The following UBXN4 variants were observed in gnomAD, a reference collection of about 807,000 sequenced individuals.
The protein encoded by UBXN4 is UBX domain protein 4.
In UBXN4, 35 loss-of-function variants were observed where a neutral mutation model predicts 66.2. The observed-to-expected ratio is 0.53, with a 90% CI of 0.40 to 0.70. UBXN4 has a LOEUF of 0.70. Among genes scored for constraint, UBXN4 ranks in the 30% least tolerant of loss-of-function variants. The pLI is 0.00. For missense variants in UBXN4, 533 were observed against 599.8 expected (o/e 0.89, Z 1.16); for synonymous variants, 203 against 204.5 (o/e 0.99, Z 0.06).
chr2:135,778,340 T>A (rs967330395), intron 10 of UBXN4, among the ~76,000 whole-genome samples: 20 of 151,960 alleles, frequency 1.3e-4, no homozygotes, highest in African/African-American at 4.8e-4. Context: ...TGGAATCTTC[T>A]AGGGAAAGAT....
At chr2:135,747,871 T>A (rs2077219388) in intron 1 of UBXN4, 1 of 347,440 alleles carries the variant, frequency 2.9e-6, no homozygotes, top group Non-Finnish European at 5.7e-6. Flanking sequence ...TCTACCCGCC[T>A]CAGCCTCCCA....
intron 11 of UBXN4, among the ~76,000 whole-genome samples, chr2:135,779,568 C>T (rs975955155): frequency 6.6e-6 from 1 of 152,132 alleles, no homozygotes; most frequent in African/African-American, 2.4e-5. Flanking sequence ...TCCTGGTTAA[C>T]ATAGTTTTCC....
At chr2:135,782,715 A>G in intron 12 of UBXN4, 34 bp from the exon 13 acceptor site, 2 of 1,600,652 alleles carry the variant, frequency 1.2e-6, no homozygotes, top group Non-Finnish European at 1.7e-6. Flanking sequence ...TTATTTTATG[A>G]CATCTTCCCC....
chr2:135,742,684 A>G (rs986532049), intron 1 of UBXN4: 7 of 152,256 alleles, frequency 4.6e-5, no homozygotes, highest in African/African-American at 1.7e-4. Context: ...CAACAAAGAG[A>G]AACCACCTGA....
At chr2:135,777,457 A>G (rs2077423210) in intron 10 of UBXN4, among the ~76,000 whole-genome samples, 1 of 152,208 alleles carries the variant, frequency 6.6e-6, no homozygotes, top group African/African-American at 2.4e-5. Flanking sequence ...TATAGTAGAA[A>G]CAGTCCCAAA....
chr2:135,746,734 G>T (rs2077209182), intron 1 of UBXN4, among the ~76,000 whole-genome samples: 1 of 152,162 alleles, frequency 6.6e-6, no homozygotes, highest in African/African-American at 2.4e-5. Context: ...GAAGGAAAAA[G>T]AATAGCAAGA....
intron 12 of UBXN4, among the ~76,000 whole-genome samples, chr2:135,780,825 C>T (rs893295820): frequency 5.9e-5 from 9 of 152,276 alleles, no homozygotes; most frequent in Middle Eastern, 3.4e-3. Context: ...TTTTATCTAC[C>T]GGCTGACAGC....
chr2:135,763,862 C>T (rs148894800), intron 6 of UBXN4, among the ~76,000 whole-genome samples: 10 of 152,014 alleles, frequency 6.6e-5, no homozygotes, highest in African/African-American at 1.9e-4. Context: ...TGGTGGATCA[C>T]GCCTGTAGTC....
chr2:135,778,454 T>C (rs1349696048), intron 10 of UBXN4, among the ~76,000 whole-genome samples: 2 of 152,152 alleles, frequency 1.3e-5, no homozygotes, highest in South Asian at 2.1e-4. Flanking sequence ...GATCTGGTAT[T>C]GTGTGTATCA....
At chr2:135,778,131 C>G (rs1397083706) in intron 10 of UBXN4, among the ~76,000 whole-genome samples, 2 of 147,248 alleles carry the variant, frequency 1.4e-5, no homozygotes, top group Non-Finnish European at 3.0e-5. Context: ...GAGCCAAGAT[C>G]GCGCCACTGC....
At chr2:135,771,058 A>G (rs1396778178) in intron 8 of UBXN4, among the ~76,000 whole-genome samples, 1 of 152,166 alleles carries the variant, frequency 6.6e-6, no homozygotes, top group Non-Finnish European at 1.5e-5. Context: ...AGTAACTACT[A>G]GTACTAAGTA....
At chr2:135,755,885 A>C (rs1005678877) in intron 5 of UBXN4, among the ~76,000 whole-genome samples, 194 bp downstream of exon 5, 1 of 152,130 alleles carries the variant, frequency 6.6e-6, no homozygotes, top group Non-Finnish European at 1.5e-5. Flanking sequence ...TGTCAGCTCA[A>C]CTCCCAAATA....
Position 135,761,846 on chromosome 2 carries a change from C to T in UBXN4, c.537C>T (p.Ser179=), listed in dbSNP as rs552694525. The T allele has an allele frequency of 6.2e-7, 1 of 1,613,218 alleles. No homozygotes were observed. Among genetic ancestry groups the T allele is most frequent in the Admixed American group, 1.7e-5 (1 of 59,866 alleles). The stretch of plus-strand genomic sequence containing the variant: ...GAGAAAGTGCAGGCCATGCCACTTC[C>T]TCTCAGGAGCCTAGTGGATGCTCAG... ...TGGESAGHAT[S]SQEPSGCSDQ... Residue 179 remains serine (S), a synonymous_variant, in exon 6 of 13, where the codon TCC becomes TCT. Coordinates refer to ENST00000272638, the MANE Select transcript of UBXN4 (RefSeq NM_014607.4).
chr2:135,750,835 C>CTTTT (rs1166056661), intron 2 of UBXN4, among the ~76,000 whole-genome samples: 2 of 77,472 alleles, frequency 2.6e-5, no homozygotes, highest in East Asian at 4.8e-4. Context: ...ATGTGTCTGG[C>CTTTT]TTTTTTTTTT....
At chr2:135,773,961 T>C (rs535456766) in intron 9 of UBXN4, among the ~76,000 whole-genome samples, 12 of 152,320 alleles carry the variant, frequency 7.9e-5, no homozygotes, top group African/African-American at 2.9e-4. Context: ...CCTAAACTGA[T>C]CTAACTGATC....
chr2:135,748,645 A>G (rs2105491734), intron 2 of UBXN4, among the ~76,000 whole-genome samples: 1 of 151,350 alleles, frequency 6.6e-6, no homozygotes, highest in South Asian at 2.1e-4. Flanking sequence ...GGATCACTTG[A>G]TCCCTGAAGA....
chr2:135,756,870 G>T (rs932409688), intron 5 of UBXN4, among the ~76,000 whole-genome samples: 1 of 152,104 alleles, frequency 6.6e-6, no homozygotes, highest in Admixed American at 6.6e-5. Context: ...ACAGTTACAG[G>T]TATTGTCCAC....
At chr2:135,771,112 T>C (rs1329704152) in intron 8 of UBXN4, among the ~76,000 whole-genome samples, 3 of 148,252 alleles carry the variant, frequency 2.0e-5, no homozygotes, top group Non-Finnish European at 4.4e-5. Context: ...TTTTGCAACA[T>C]TGAAAGGATT....
At chr2:135,753,713 T>A (rs1575315559) in intron 3 of UBXN4, 146 bp downstream of exon 3, 7 of 699,500 alleles carry the variant, frequency 1.0e-5, no homozygotes, top group Non-Finnish European at 1.3e-5. Flanking sequence ...TGTCCTCATT[T>A]AAAAAAAATG....
Sources: allele counts gnomAD v4.1 joint callset (sites outside exome capture counted in the v4.1 genomes callset), GRCh38; gene constraint gnomAD v4.1.1; transcripts MANE v1.5; gene names NCBI Gene and HGNC (gene_info 2026-07-23, HGNC 2026-07-21).